DOCK2: variants seen among roughly 807,000 people sequenced by gnomAD.
The protein encoded by DOCK2 is dedicator of cytokinesis protein 2.
Under a neutral mutation model 248.9 loss-of-function variants are expected in DOCK2, and 87 were observed. That is an observed-to-expected ratio of 0.35 (90% CI 0.29 to 0.42). DOCK2 has a LOEUF of 0.42. Among genes scored for constraint, DOCK2 ranks in the 10% least tolerant of loss-of-function variants. The probability of loss-of-function intolerance (pLI) is 1.00; values close to 1 mark genes in which losing one functional copy is unlikely to be tolerated. For missense variants in DOCK2, 1,747 were observed against 2,300.2 expected (o/e 0.76, Z 4.92); for synonymous variants, 805 against 821.6 (o/e 0.98, Z 0.35).
intron 23 of DOCK2, among the ~76,000 whole-genome samples, chr5:169,757,109 A>G (rs1764238812): frequency 6.6e-6 from 1 of 152,148 alleles, no homozygotes; most frequent in Non-Finnish European, 1.5e-5. Flanking sequence ...AACAATTGAT[A>G]GGAATAACTG....
Position 169,958,118 on chromosome 5 carries a change from A to G in DOCK2, c.2800-24950A>G, listed in dbSNP as rs144988485. 3.9e-5 allele frequency among the ~76,000 whole-genome samples: 6 copies of G among 152,334 alleles called. No individual in the cohort carries two copies. In the East Asian group the frequency reaches 1.2e-3, roughly 29 times the overall value. ...TGCAAGTGTGAAACATGACGTCCAC[A>G]TGCACATAGAAGGACAAAACACAGT... On this transcript the variant is annotated intron_variant, in intron 27 of 51. Coordinates refer to ENST00000520908, the MANE Select transcript of DOCK2 (RefSeq NM_004946.3).
intron 39 of DOCK2, among the ~76,000 whole-genome samples, chr5:170,046,714 C>T (rs974810613): frequency 1.2e-4 from 18 of 152,006 alleles, no homozygotes; most frequent in Admixed American, 9.8e-4. Flanking sequence ...ATACCTGCCC[C>T]GCGTGTACCT....
Position 169,899,371 on chromosome 5 carries a change from T to A in DOCK2, c.2799+58519T>A, listed in dbSNP as rs575123475. Reference sequence around the variant, plus strand: ...GCAGCCAATTCATATTCTTTCTCCATGCCAAGAATCAGGTTCAATGAGACC... The same window carrying A: ...GCAGCCAATTCATATTCTTTCTCCAAGCCAAGAATCAGGTTCAATGAGACC... On this transcript the variant is annotated intron_variant, in intron 27 of 51. Transcript: ENST00000520908. 3.3e-5 allele frequency among the ~76,000 whole-genome samples: 5 copies of A among 152,282 alleles called. No individual in the cohort carries two copies. In the South Asian group the frequency reaches 1.0e-3, roughly 32 times the overall value.
chr5:169,992,317 G>A (rs774081705), intron 29 of DOCK2, among the ~76,000 whole-genome samples: 7 of 152,226 alleles, frequency 4.6e-5, no homozygotes, highest in Non-Finnish European at 1.0e-4. Context: ...CAGCCGCTAA[G>A]CAACACAGAC....
intron 27 of DOCK2, among the ~76,000 whole-genome samples, chr5:169,981,040 G>A (rs1777920734): frequency 6.6e-6 from 1 of 152,198 alleles, no homozygotes; most frequent in South Asian, 2.1e-4. Context: ...AGTCATGACA[G>A]ACCCCTTGCT....
chr5:169,732,912 TC>T (rs1214159104), intron 22 of DOCK2, among the ~76,000 whole-genome samples: 2 of 152,192 alleles, frequency 1.3e-5, no homozygotes, highest in Non-Finnish European at 2.9e-5. Context: ...ATTCTTTTTC[TC>T]CCTGTCTTAC....
intron 28 of DOCK2, among the ~76,000 whole-genome samples, chr5:169,983,573 C>A (rs571465160): frequency 7.9e-5 from 12 of 152,276 alleles, no homozygotes; most frequent in African/African-American, 2.2e-4. Flanking sequence ...TCTGGGCCAC[C>A]TTCTTCTAGC....
intron 29 of DOCK2, among the ~76,000 whole-genome samples, chr5:169,986,836 C>G (rs952130005): frequency 5.9e-5 from 9 of 152,142 alleles, no homozygotes; most frequent in African/African-American, 2.2e-4. Flanking sequence ...GTTTTATCTC[C>G]CTCTACCTAT....
chr5:169,851,628 A>G (rs181703191), intron 27 of DOCK2, among the ~76,000 whole-genome samples: 195 of 152,332 alleles, frequency 1.3e-3, no homozygotes, highest in African/African-American at 4.6e-3. Flanking sequence ...TCACACTGCT[A>G]TAAAGAACTG....
chr5:169,789,400 T>C (rs1322220738), intron 25 of DOCK2, among the ~76,000 whole-genome samples: 1 of 152,262 alleles, frequency 6.6e-6, no homozygotes, highest in Non-Finnish European at 1.5e-5. Flanking sequence ...CAAATGGTAG[T>C]TCTGTGAAAT....
Position 169,867,205 on chromosome 5 carries a change from G to T in DOCK2, c.2799+26353G>T, listed in dbSNP as rs1019685350. 3.9e-5 allele frequency among the ~76,000 whole-genome samples: 6 copies of T among 152,212 alleles called. No individual in the cohort carries two copies. In the East Asian group the frequency reaches 1.2e-3, roughly 29 times the overall value. On this transcript the variant is annotated intron_variant, in intron 27 of 51. Coordinates refer to ENST00000520908, the MANE Select transcript of DOCK2 (RefSeq NM_004946.3). ...ACTCATTCCTCCAGGGTATGGGCAG[G>T]ACCCACTCTGGAATCAGTCTCTTGA...
chr5:169,932,135 G>C (rs144251404), intron 27 of DOCK2, among the ~76,000 whole-genome samples: 1 of 152,168 alleles, frequency 6.6e-6, no homozygotes, highest in East Asian at 1.9e-4. Flanking sequence ...AGTGGCGTAA[G>C]AGCATATGAT....
At chr5:170,004,496 G>C (rs1371427195) in intron 30 of DOCK2, among the ~76,000 whole-genome samples, 1 of 152,168 alleles carries the variant, frequency 6.6e-6, no homozygotes, top group African/African-American at 2.4e-5. Context: ...TCTGTTCATG[G>C]AAGTCAGTGT....
At chr5:170,007,987 A>G (rs1755113254) in intron 30 of DOCK2, among the ~76,000 whole-genome samples, 1 of 152,124 alleles carries the variant, frequency 6.6e-6, no homozygotes, top group Admixed American at 6.5e-5. Flanking sequence ...GGGGAAAGTA[A>G]AGGCAAAATA....
At chr5:169,887,433 C>G (rs978452859) in intron 27 of DOCK2, among the ~76,000 whole-genome samples, 1 of 152,128 alleles carries the variant, frequency 6.6e-6, no homozygotes, top group African/African-American at 2.4e-5. Context: ...AATTTGGTGA[C>G]ATTCATTCTA....
At chr5:169,980,286 G>C (rs563389445) in intron 27 of DOCK2, 1 of 152,336 alleles carries the variant, frequency 6.6e-6, no homozygotes, top group South Asian at 2.1e-4. Context: ...CCTTGAAGCA[G>C]TGGAATTACC....
chr5:169,753,365 C>G lies in DOCK2; in HGVS notation c.2376+5861C>G, dbSNP rs570226710. 5.3e-5 allele frequency among the ~76,000 whole-genome samples: 8 copies of G among 150,750 alleles called. No homozygotes were observed. The South Asian group carries it at 6.3e-4, about 12-fold the overall frequency. ...TGTTCTCCCTGCCCTCACCCCCCCC[C>G]ACCCCCTGACAGCTCCCCTGTGTGT... On this transcript the variant is annotated intron_variant, in intron 23 of 51. Coordinates refer to ENST00000520908, the MANE Select transcript of DOCK2 (RefSeq NM_004946.3).
intron 15 of DOCK2, among the ~76,000 whole-genome samples, chr5:169,709,737 A>G (rs377212498): frequency 2.0e-5 from 3 of 152,128 alleles, no homozygotes; most frequent in East Asian, 1.9e-4. Flanking sequence ...AAAAAAATTC[A>G]TACGTTAAAT....
At chr5:169,653,456 G>A (rs772939713) in intron 1 of DOCK2, among the ~76,000 whole-genome samples, 2 of 152,320 alleles carry the variant, frequency 1.3e-5, no homozygotes, top group East Asian at 1.9e-4. Context: ...GTCTGGAGAC[G>A]TAGCTACTGC....
Sources: gnomAD v4.1 joint callset for allele counts (sites outside exome capture counted in the v4.1 genomes callset) on GRCh38, gnomAD v4.1.1 for gene constraint, MANE v1.5 for transcripts, NCBI Gene and HGNC (gene_info 2026-07-23, HGNC 2026-07-21) for gene names.